The following KCNIP4 variants were observed in gnomAD, a reference collection of about 807,000 sequenced individuals.
KCNIP4 encodes the protein Kv channel-interacting protein 4.
In KCNIP4, 12 loss-of-function variants were observed where a neutral mutation model predicts 34.0. The ratio of observed to expected loss-of-function variants is 0.35; its 90% CI spans 0.23 to 0.57. KCNIP4 has a LOEUF of 0.57. KCNIP4 is among the 20% of genes least tolerant of loss of function. The probability of loss-of-function intolerance (pLI) is 0.83; values close to 1 mark genes in which losing one functional copy is unlikely to be tolerated. For missense variants in KCNIP4, 238 were observed against 311.7 expected, an observed-to-expected ratio of 0.76 and a Z score of 1.78; for synonymous variants, 124 against 102.2, an observed-to-expected ratio of 1.21 and a Z score of -1.29.
chr4:21,042,877 A>G (rs987620217), intron 1 of KCNIP4, among the ~76,000 whole-genome samples: 6 of 152,190 alleles, frequency 3.9e-5, no homozygotes, highest in Non-Finnish European at 4.4e-5. Context: ...TTTGGGGGAA[A>G]AAAAGGATAA....
At chr4:21,250,321 T>C (rs1332128574) in intron 1 of KCNIP4, among the ~76,000 whole-genome samples, 4 of 152,094 alleles carry the variant, frequency 2.6e-5, no homozygotes, top group Non-Finnish European at 5.9e-5. Flanking sequence ...TAAAACATTA[T>C]GAAACTTCTT....
At chr4:21,262,288 C>T (rs1761521368) in intron 1 of KCNIP4, among the ~76,000 whole-genome samples, 1 of 152,196 alleles carries the variant, frequency 6.6e-6, no homozygotes, top group Non-Finnish European at 1.5e-5. Flanking sequence ...CTGCTCATAT[C>T]ACCTTGGGTT....
intron 1 of KCNIP4, among the ~76,000 whole-genome samples, chr4:20,937,573 G>C (rs1449868049): frequency 6.6e-6 from 1 of 151,942 alleles, no homozygotes; most frequent in South Asian, 2.1e-4. Context: ...TTTGATACTG[G>C]AAGAAAAAAT....
chr4:21,715,837 G>T (rs1312390566), intron 1 of KCNIP4, among the ~76,000 whole-genome samples: 1 of 152,022 alleles, frequency 6.6e-6, no homozygotes, highest in Non-Finnish European at 1.5e-5. Context: ...TCCATGATAT[G>T]GTTTTCAATC....
At chr4:21,390,018 ATTGTGGTT>A (rs1475536366) in intron 1 of KCNIP4, among the ~76,000 whole-genome samples, 1 of 141,638 alleles carries the variant, frequency 7.1e-6, no homozygotes, top group Non-Finnish European at 1.6e-5. Context: ...ATGGTATCTC[ATTGTGGTT>A]TTGATTTGCA....
chr4:21,113,052 A>G (rs1440646448), intron 1 of KCNIP4, among the ~76,000 whole-genome samples: 1 of 152,168 alleles, frequency 6.6e-6, no homozygotes, highest in Non-Finnish European at 1.5e-5. Context: ...GTACATAAAT[A>G]TAAGATTTTT....
intron 1 of KCNIP4, among the ~76,000 whole-genome samples, chr4:21,381,395 T>A (rs1431106161): frequency 6.6e-6 from 1 of 152,224 alleles, no homozygotes; most frequent in Non-Finnish European, 1.5e-5. Flanking sequence ...GGGACTAGAT[T>A]TATCATTCAT....
intron 4 of KCNIP4, among the ~76,000 whole-genome samples, chr4:20,751,484 G>A (rs1753622977): frequency 6.6e-6 from 1 of 152,008 alleles, no homozygotes; most frequent in South Asian, 2.1e-4. Flanking sequence ...ACTATATAGT[G>A]CCCTCTGGAG....
chr4:21,635,145 G>A (rs140507829), intron 1 of KCNIP4, among the ~76,000 whole-genome samples: 5 of 152,220 alleles, frequency 3.3e-5, no homozygotes, highest in African/African-American at 9.6e-5. Context: ...CTGACCCAAC[G>A]AGGAGGTTAT....
At chr4:21,858,140 T>C (rs1052027830) in intron 1 of KCNIP4, among the ~76,000 whole-genome samples, 18 of 152,130 alleles carry the variant, frequency 1.2e-4, no homozygotes, top group African/African-American at 4.3e-4. Flanking sequence ...CCTTGGCAGA[T>C]ATGGGATCCA....
chr4:20,993,644 A>G (rs1737285668), intron 1 of KCNIP4, among the ~76,000 whole-genome samples: 1 of 152,252 alleles, frequency 6.6e-6, no homozygotes, highest in Non-Finnish European at 1.5e-5. Context: ...ACTCACAGTC[A>G]GTGTTGCAGC....
intron 1 of KCNIP4, among the ~76,000 whole-genome samples, chr4:21,604,347 A>C (rs1743465410): frequency 6.6e-6 from 1 of 152,086 alleles, no homozygotes; most frequent in Non-Finnish European, 1.5e-5. Flanking sequence ...AGATAAAGAA[A>C]CTCTAGAACA....
chr4:21,259,900 T>TGTGTGG (rs1295607633), intron 1 of KCNIP4, among the ~76,000 whole-genome samples: 2 of 151,660 alleles, frequency 1.3e-5, no homozygotes, highest in Non-Finnish European at 2.9e-5. Context: ...TGTGTGTGTG[T>TGTGTGG]GTGTGTGTGT....
chr4:21,836,914 A>T (rs1184443522), intron 1 of KCNIP4, among the ~76,000 whole-genome samples: 249 of 123,556 alleles, frequency 2.0e-3, no homozygotes, highest in Middle Eastern at 0.017. Context: ...GCTGGGATAA[A>T]TTTTTTTTTT....
chr4:20,987,090 C>T (rs1021085581), intron 1 of KCNIP4, among the ~76,000 whole-genome samples: 13 of 152,102 alleles, frequency 8.5e-5, no homozygotes, highest in African/African-American at 3.1e-4. Flanking sequence ...AAGCAGGGGA[C>T]ATCTGGGGAA....
At chr4:21,011,860 CG>C (rs1560644101) in intron 1 of KCNIP4, among the ~76,000 whole-genome samples, 1 of 152,172 alleles carries the variant, frequency 6.6e-6, no homozygotes, top group Non-Finnish European at 1.5e-5. Flanking sequence ...TTAATGCTTT[CG>C]TTTCTTCTTT....
At position 21,105,335 on chromosome 4, in the gene KCNIP4, G is replaced by A. The variant is rs966448592; in HGVS notation, c.62-222626C>T. ...ACGTCCCTTGTAAGTTGGATTCCTAGGTATTTTATTCTCTTTGAAGCAATT... is the reference window on the plus strand; with the variant it reads ...ACGTCCCTTGTAAGTTGGATTCCTAAGTATTTTATTCTCTTTGAAGCAATT... On this transcript the variant is annotated intron_variant, in intron 1 of 8. Transcript: ENST00000382152. 3.4e-4 allele frequency among the ~76,000 whole-genome samples: 51 copies of A among 151,610 alleles called. 3 individuals carry two copies. The highest frequency in any genetic ancestry group is 1.2e-3 in the African/African-American group (50 of 40,954).
intron 1 of KCNIP4, among the ~76,000 whole-genome samples, chr4:21,412,058 T>C (rs142689711): frequency 6.6e-6 from 1 of 152,284 alleles, no homozygotes; most frequent in African/African-American, 2.4e-5. Context: ...TCTGAAGTAC[T>C]CTACCATGTA....
At chr4:21,448,117 G>A (rs760878432) in intron 1 of KCNIP4, among the ~76,000 whole-genome samples, 1 of 152,080 alleles carries the variant, frequency 6.6e-6, no homozygotes, top group Non-Finnish European at 1.5e-5. Flanking sequence ...TTGGAATTGA[G>A]AAACTGTTGG....
Sources: gnomAD v4.1 joint callset for allele counts (sites outside exome capture counted in the v4.1 genomes callset) on GRCh38, gnomAD v4.1.1 for gene constraint, MANE v1.5 for transcripts, NCBI Gene and HGNC (gene_info 2026-07-23, HGNC 2026-07-21) for gene names.